HDDC2: variants seen among roughly 807,000 people sequenced by gnomAD.
The protein encoded by HDDC2 is 5'-deoxynucleotidase HDDC2.
Under a neutral mutation model 25.5 loss-of-function variants are expected in HDDC2, and 25 were observed. The ratio of observed to expected loss-of-function variants is 0.98; its 90% confidence interval spans 0.72 to 1.37. The LOEUF is 1.37. Among genes scored for constraint, HDDC2 ranks in the 40% most tolerant of loss-of-function variants. The pLI, the probability that HDDC2 is intolerant of heterozygous loss-of-function variation, is 0.00. For missense variants in HDDC2, 264 were observed against 253.1 expected (o/e 1.04, Z -0.29); for synonymous variants, 106 against 89.7 (o/e 1.18, Z -1.03).
At chr6:125,290,078 T>C (rs1280404726) in intron 4 of HDDC2, among the ~76,000 whole-genome samples, 2 of 152,116 alleles carry the variant, frequency 1.3e-5, no homozygotes, top group Non-Finnish European at 2.9e-5. Flanking sequence ...AAGTGATAAA[T>C]AGTTGTAATT....
chr6:125,300,699 A>G, intron 1 of HDDC2, 40 bp from the exon 2 acceptor site: 1 of 1,592,684 alleles, frequency 6.3e-7, no homozygotes, highest in Non-Finnish European at 8.6e-7. Context: ...TTAAAGAACA[A>G]ATATTAACTA....
intron 4 of HDDC2, among the ~76,000 whole-genome samples, chr6:125,280,656 T>G (rs2115101961): frequency 6.6e-6 from 1 of 152,372 alleles, no homozygotes; most frequent in Non-Finnish European, 1.5e-5. Context: ...GTAGCAAGAC[T>G]ACCTCCCAAA....
intron 3 of HDDC2, among the ~76,000 whole-genome samples, chr6:125,293,426 A>G (rs1036964862): frequency 2.0e-5 from 3 of 152,238 alleles, no homozygotes; most frequent in African/African-American, 7.2e-5. Flanking sequence ...TATTGCCATT[A>G]ACATAAACGA....
intron 3 of HDDC2, among the ~76,000 whole-genome samples, chr6:125,296,984 G>C (rs927429001): frequency 6.6e-6 from 1 of 152,180 alleles, no homozygotes; most frequent in African/African-American, 2.4e-5. Flanking sequence ...CTTCCAGAGG[G>C]AAGTCTGTCT....
chr6:125,293,275 T>C (rs10223874), intron 3 of HDDC2: 55,661 of 305,914 alleles, frequency 0.18, 6,082 homozygotes, highest in African/African-American at 0.37. Context: ...CATAAGCATA[T>C]GAGAGTTCAA....
At chr6:125,285,841 T>C (rs1243268250) in intron 4 of HDDC2, among the ~76,000 whole-genome samples, 1 of 152,148 alleles carries the variant, frequency 6.6e-6, no homozygotes, top group Non-Finnish European at 1.5e-5. Context: ...TTCAACAGCT[T>C]CTCCACATTG....
chr6:125,298,859 T>G, intron 2 of HDDC2, 43 bp from the exon 3 acceptor site: 1 of 1,326,748 alleles, frequency 7.5e-7, no homozygotes, highest in South Asian at 1.2e-5. Context: ...AGAATTATAT[T>G]TACTACAAGT....
intron 4 of HDDC2, chr6:125,278,944 A>C (rs1242344239): frequency 1.3e-5 from 2 of 152,228 alleles, no homozygotes; most frequent in Admixed American, 6.5e-5. Flanking sequence ...AGTGAGCAAA[A>C]GAGAAGAAAC....
At chr6:125,276,315 A>G (rs867690954) in intron 5 of HDDC2, 72 bp from the exon 6 acceptor site, 3 of 1,165,246 alleles carry the variant, frequency 2.6e-6, no homozygotes, top group Middle Eastern at 2.1e-4. Context: ...CCCCAGCTTG[A>G]TCCCAGGGTT....
intron 4 of HDDC2, among the ~76,000 whole-genome samples, chr6:125,289,955 T>A (rs1263439205): frequency 6.6e-6 from 1 of 152,210 alleles, no homozygotes; most frequent in Non-Finnish European, 1.5e-5. Context: ...TAAAAATGTT[T>A]TTTCTTGGCT....
In HDDC2 at chr6:125,300,546, G is replaced by T. The variant is rs200894502; in HGVS notation, c.198C>A (p.Asn66Lys). Residue 66 changes from asparagine (N) to lysine (K), a missense_variant, in exon 2 of 6, where the codon AAC (asparagine) becomes AAA (lysine). Physicochemically the swap from Asn to Lys is moderately conservative, Grantham distance 94. Transcript: ENST00000398153. The stretch of plus-strand genomic sequence containing the variant: ...AGTCCAGCTCAGCTTACCGGTCTTT[G>T]TTAAGACGGTCATCTTTGATCACCA... ...MAMVIKDDRL[N>K]KDRCVRLALV... The T allele has an allele frequency of 3.5e-4, 558 of 1,613,774 alleles. No individual in the cohort carries two copies. The highest frequency in any genetic ancestry group is 4.6e-4 in the Non-Finnish European group (541 of 1,179,934).
chr6:125,278,579 T>A (rs1026871990), intron 4 of HDDC2: 1 of 152,180 alleles, frequency 6.6e-6, no homozygotes, highest in African/African-American at 2.4e-5. Flanking sequence ...AAAATAATAC[T>A]ACAGACAGAA....
chr6:125,293,179 G>A, intron 3 of HDDC2: 1 of 504,706 alleles, frequency 2.0e-6, no homozygotes, highest in East Asian at 3.7e-5. Context: ...CAATGAGGAG[G>A]TCATGAGACA....
At chr6:125,291,096 GCTA>G (rs1027202881) in intron 4 of HDDC2, among the ~76,000 whole-genome samples, 5 of 152,152 alleles carry the variant, frequency 3.3e-5, no homozygotes, top group Non-Finnish European at 5.9e-5. Flanking sequence ...TACATGAGGT[GCTA>G]CTGTTTTTTC....
chr6:125,293,102 A>C (rs1185615746), intron 3 of HDDC2, 193 bp from the exon 4 acceptor site: 19 of 671,472 alleles, frequency 2.8e-5, no homozygotes, highest in Middle Eastern at 2.8e-4. Context: ...AAATAAGTGT[A>C]ATCATTCATA....
At chr6:125,290,666 G>C (rs372130631) in intron 4 of HDDC2, among the ~76,000 whole-genome samples, 4 of 152,324 alleles carry the variant, frequency 2.6e-5, no homozygotes, top group East Asian at 3.9e-4. Context: ...CTACAGGGAA[G>C]AGACTGGAGT....
chr6:125,279,915 A>T (rs1241552130), intron 4 of HDDC2, among the ~76,000 whole-genome samples: 1 of 152,262 alleles, frequency 6.6e-6, no homozygotes, highest in Non-Finnish European at 1.5e-5. Context: ...GATAAAAGAC[A>T]TTAAGAAAAT....
At chr6:125,293,803 T>C (rs1172000887) in intron 3 of HDDC2, among the ~76,000 whole-genome samples, 1 of 152,102 alleles carries the variant, frequency 6.6e-6, no homozygotes, top group African/African-American at 2.4e-5. Flanking sequence ...GAGATAATCT[T>C]ATAATTCAAA....
intron 4 of HDDC2, among the ~76,000 whole-genome samples, chr6:125,283,649 G>A (rs868810203): frequency 7.9e-5 from 12 of 152,102 alleles, no homozygotes; most frequent in African/African-American, 2.4e-4. Flanking sequence ...ACAAACCACT[G>A]CTCAAGGAAA....
Sources: allele counts gnomAD v4.1 joint callset (sites outside exome capture counted in the v4.1 genomes callset), GRCh38; gene constraint gnomAD v4.1.1; transcripts MANE v1.5; gene names NCBI Gene and HGNC (gene_info 2026-07-23, HGNC 2026-07-21).